The following DENND1A variants were observed in gnomAD, a reference collection of about 807,000 sequenced individuals.
DENND1A encodes DENN domain containing 1A.
A neutral mutation model predicts 113.7 loss-of-function variants in DENND1A; 51 were observed. The observed-to-expected ratio is 0.45, with a 90% CI of 0.36 to 0.57. The LOEUF (loss-of-function observed/expected upper bound fraction) is 0.57, where lower values mean the gene tolerates loss of function less well. Among genes scored for constraint, DENND1A ranks in the 20% least tolerant of loss-of-function variants. The pLI, the probability that DENND1A is intolerant of heterozygous loss-of-function variation, is 0.00. For synonymous variants in DENND1A, 565 were observed against 570.8 expected, an observed-to-expected ratio of 0.99 and a Z score of 0.14; for missense variants, 1,258 against 1,395.9, an observed-to-expected ratio of 0.90 and a Z score of 1.57.
At chr9:123,425,100 C>T (rs2045611655) in intron 19 of DENND1A, among the ~76,000 whole-genome samples, 1 of 152,234 alleles carries the variant, frequency 6.6e-6, no homozygotes, top group Admixed American at 6.5e-5. Context: ...AGCTGACTCT[C>T]TAAGGTGATC....
chr9:123,672,407 GA>G (rs543262532), intron 6 of DENND1A, among the ~76,000 whole-genome samples: 1,632 of 148,590 alleles, frequency 0.011, 25 homozygotes, highest in African/African-American at 0.026. Context: ...AGAAATTGTT[GA>G]AAAAAAAAAG....
intron 2 of DENND1A, among the ~76,000 whole-genome samples, chr9:123,854,106 G>C (rs1843785169): frequency 6.6e-6 from 1 of 152,222 alleles, no homozygotes; most frequent in Admixed American, 6.5e-5. Flanking sequence ...AACTGAGGCA[G>C]ATGAAAGTAT....
chr9:123,649,854 C>T (rs1417066668), intron 9 of DENND1A, among the ~76,000 whole-genome samples: 1 of 152,106 alleles, frequency 6.6e-6, no homozygotes, highest in East Asian at 1.9e-4. Flanking sequence ...AGAGCAAAAT[C>T]ACACAGAAGG....
chr9:123,856,227 G>A (rs561821277), intron 2 of DENND1A, among the ~76,000 whole-genome samples: 18 of 152,330 alleles, frequency 1.2e-4, no homozygotes, highest in African/African-American at 4.3e-4. Flanking sequence ...CATACTTGGT[G>A]AGAAGTAGCC....
chr9:123,758,397 A>G (rs2070755565), intron 4 of DENND1A, among the ~76,000 whole-genome samples: 1 of 152,190 alleles, frequency 6.6e-6, no homozygotes, highest in South Asian at 2.1e-4. Context: ...ACAACCATGG[A>G]ATTTAGAGGA....
At chr9:123,630,520 G>T in intron 9 of DENND1A, 44 bp from the exon 10 acceptor site, 1 of 1,329,104 alleles carries the variant, frequency 7.5e-7, no homozygotes, top group South Asian at 1.6e-5. Flanking sequence ...ATCCAAGGGA[G>T]GAGACACCGC....
intron 19 of DENND1A, among the ~76,000 whole-genome samples, chr9:123,424,204 TG>T (rs2045538333): frequency 6.6e-6 from 1 of 152,290 alleles, no homozygotes; most frequent in South Asian, 2.1e-4. Flanking sequence ...ACTTCTAGTC[TG>T]GGTTGCTGAG....
chr9:123,531,554 T>C (rs28368388), intron 13 of DENND1A, among the ~76,000 whole-genome samples: 2,558 of 103,120 alleles, frequency 0.025, 27 homozygotes, highest in Non-Finnish European at 0.032. Flanking sequence ...CCTCTCTCTC[T>C]ACACACACAC....
At chr9:123,469,149 G>A (rs1217208168) in intron 13 of DENND1A, among the ~76,000 whole-genome samples, 2 of 152,318 alleles carry the variant, frequency 1.3e-5, no homozygotes, top group African/African-American at 4.8e-5. Flanking sequence ...CACATTTTGG[G>A]GTGACAGGAC....
intron 11 of DENND1A, among the ~76,000 whole-genome samples, chr9:123,591,492 G>C (rs191311534): frequency 9.1e-4 from 138 of 152,366 alleles, no homozygotes; most frequent in African/African-American, 3.2e-3. Context: ...TCGTCCAACA[G>C]CTGTGCAGCA....
At chr9:123,782,023 T>A (rs1831392446) in intron 3 of DENND1A, among the ~76,000 whole-genome samples, 1 of 151,860 alleles carries the variant, frequency 6.6e-6, no homozygotes, top group Non-Finnish European at 1.5e-5. Context: ...TGAGCCAAGA[T>A]CACACCACTG....
chr9:123,798,382 C>A (rs978412010), intron 2 of DENND1A: 1 of 152,126 alleles, frequency 6.6e-6, no homozygotes, highest in African/African-American at 2.4e-5. Context: ...AGACACTGAC[C>A]TATTGTTTTC....
chr9:123,473,816 AG>A (rs2049651072), intron 13 of DENND1A, among the ~76,000 whole-genome samples: 1 of 152,038 alleles, frequency 6.6e-6, no homozygotes, highest in African/African-American at 2.4e-5. Context: ...ATCTCCGTTT[AG>A]GCCCCATCTA....
intron 5 of DENND1A, among the ~76,000 whole-genome samples, chr9:123,685,621 T>C (rs2078230): frequency 0.056 from 8,460 of 152,276 alleles, 834 homozygotes; most frequent in African/African-American, 0.19. Context: ...ATCTTATTTC[T>C]ATGAGAGTAT....
intron 20 of DENND1A, among the ~76,000 whole-genome samples, chr9:123,410,124 C>T (rs935310722): frequency 6.6e-6 from 1 of 152,262 alleles, no homozygotes; most frequent in Non-Finnish European, 1.5e-5. Context: ...AAAACTCTTA[C>T]TGTGTGTGTT....
At chr9:123,889,398 A>T (rs1212199213) in intron 1 of DENND1A, among the ~76,000 whole-genome samples, 1 of 152,268 alleles carries the variant, frequency 6.6e-6, no homozygotes, top group Admixed American at 6.5e-5. Context: ...ATATAAAAAT[A>T]AAATGGCTTC....
chr9:123,743,568 C>T (rs1017433179), intron 5 of DENND1A, among the ~76,000 whole-genome samples: 3 of 151,442 alleles, frequency 2.0e-5, no homozygotes, highest in South Asian at 2.1e-4. Flanking sequence ...CCTGTCTCTA[C>T]TAAAACTACA....
intron 16 of DENND1A, among the ~76,000 whole-genome samples, chr9:123,452,627 C>G (rs994508607): frequency 1.3e-5 from 2 of 151,942 alleles, no homozygotes; most frequent in Non-Finnish European, 2.9e-5. Flanking sequence ...CACCTGTTCC[C>G]TGGCTGGAGG....
intron 13 of DENND1A, among the ~76,000 whole-genome samples, chr9:123,478,240 C>T (rs574962624): frequency 6.6e-6 from 1 of 152,362 alleles, no homozygotes; most frequent in East Asian, 1.9e-4. Context: ...AGAATCCCAA[C>T]CTCCCTTGTT....
Sources: allele counts gnomAD v4.1 joint callset (sites outside exome capture counted in the v4.1 genomes callset), GRCh38; gene constraint gnomAD v4.1.1; transcripts MANE v1.5; gene names NCBI Gene and HGNC (gene_info 2026-07-23, HGNC 2026-07-21).